The following RTF1 variants were observed in gnomAD, a reference collection of about 807,000 sequenced individuals.
The protein encoded by RTF1 is RNA polymerase-associated protein RTF1 homolog.
RTF1 carries 10 observed loss-of-function variants against 95.7 expected under a neutral mutation model. The ratio of observed to expected loss-of-function variants is 0.10; its 90% CI spans 0.06 to 0.18. The LOEUF (loss-of-function observed/expected upper bound fraction) is 0.18. Among genes scored for constraint, RTF1 ranks in the 10% least tolerant of loss-of-function variants. RTF1 has a pLI of 1.00. For missense variants in RTF1, 458 were observed against 875.6 expected (o/e 0.52, Z 6.02); for synonymous variants, 305 against 311.8 (o/e 0.98, Z 0.23).
intron 3 of RTF1, among the ~76,000 whole-genome samples, chr15:41,455,755 C>G (rs893480319): frequency 6.9e-6 from 1 of 145,498 alleles, no homozygotes; most frequent in African/African-American, 2.6e-5. Flanking sequence ...CGAGATCAGG[C>G]AATAGAGTGA....
At position 41,477,416 on chromosome 15, in the gene RTF1, C is replaced by T. The variant is rs940206410; in HGVS notation, c.1683-42C>T. ...TTCAGGGCTCAGTGGTTCCCTCCCT[C>T]CCTTGTTTCACAGCCACTGACTCAT... On this transcript the variant is annotated intron_variant, in intron 13 of 17. Transcript: ENST00000389629. 3.1e-6 allele frequency: 5 copies of T among 1,613,124 alleles called. No homozygotes were observed. In the African/African-American group the frequency reaches 6.7e-5, roughly 22 times the overall value.
chr15:41,463,441 C>G (rs1262206453), intron 4 of RTF1, among the ~76,000 whole-genome samples: 1 of 152,188 alleles, frequency 6.6e-6, no homozygotes, highest in African/African-American at 2.4e-5. Flanking sequence ...GTACTAGTTT[C>G]TCCACCTCTT....
rs2050989162 is a variant in RTF1 at position 41,483,453 on chromosome 15, AC to A, written c.*2767del. ...CTTCTGGCAGGTGTAGGGAAAGTCT[AC>A]TGCCTGCCACTCCCTTCAAAAAGAA... On this transcript the variant is annotated 3_prime_UTR_variant, in exon 18 of 18. Coordinates refer to ENST00000389629, the MANE Select transcript of RTF1 (RefSeq NM_015138.5). The A allele has an allele frequency of 6.6e-6, 1 of 151,396 alleles. No homozygotes were observed. Among genetic ancestry groups the A allele is most frequent in the South Asian group, 2.1e-4 (1 of 4,758 alleles). 9.4% of individuals were successfully genotyped at this position (151,396 alleles called of 1,614,324 possible).
At chr15:41,442,263 G>T (rs531341703) in intron 2 of RTF1, among the ~76,000 whole-genome samples, 2 of 151,616 alleles carry the variant, frequency 1.3e-5, no homozygotes, top group East Asian at 3.9e-4. Flanking sequence ...TGCCTCCCGG[G>T]TTCACGCCAT....
intron 1 of RTF1, among the ~76,000 whole-genome samples, chr15:41,436,418 C>G (rs184647896): frequency 9.0e-4 from 134 of 149,052 alleles, no homozygotes; most frequent in Non-Finnish European, 1.8e-3. Context: ...GATTGTGCCA[C>G]TGCACTCTAG....
intron 2 of RTF1, among the ~76,000 whole-genome samples, chr15:41,444,501 CCCA>C (rs1364418047): frequency 6.6e-6 from 1 of 151,978 alleles, no homozygotes; most frequent in Admixed American, 6.6e-5. Flanking sequence ...CACCGTGTTA[CCCA>C]GGCTGGTGTT....
At chr15:41,466,417 C>T (rs2050880836) in intron 6 of RTF1, among the ~76,000 whole-genome samples, 165 bp downstream of exon 6, 1 of 152,198 alleles carries the variant, frequency 6.6e-6, no homozygotes. Flanking sequence ...CAGCAGTCAG[C>T]TCTTGGCCAG....
In RTF1 at chr15:41,472,201, A is replaced by T. The variant is rs1447258605; in HGVS notation, c.1203+852A>T. Among the ~76,000 whole-genome samples the T allele has an allele frequency of 3.5e-5, 5 of 141,346 alleles. No individual in the cohort carries two copies. The East Asian group carries it at 8.2e-4, about 23-fold the overall frequency. The allele number at this position is 141,346 out of a possible 152,430, so 92.7% of individuals were successfully genotyped here. On this transcript the variant is annotated intron_variant, in intron 8 of 17. Coordinates refer to ENST00000389629, the MANE Select transcript of RTF1 (RefSeq NM_015138.5). ...CCGCACCTGGCCTATTTTTATTTTT[A>T]TTTATTTGTTGTTTTTTTTTTTCAG...
chr15:41,468,222 A>T (rs2050890314), intron 6 of RTF1, among the ~76,000 whole-genome samples: 1 of 150,306 alleles, frequency 6.7e-6, no homozygotes, highest in Admixed American at 6.6e-5. Context: ...ACTGATGGTC[A>T]TTACCTAGAT....
chr15:41,432,109 T>C (rs542711127), intron 1 of RTF1, among the ~76,000 whole-genome samples: 1 of 150,572 alleles, frequency 6.6e-6, no homozygotes, highest in African/African-American at 2.4e-5. Context: ...ATACTATTGT[T>C]AATATGGTAT....
intron 4 of RTF1, among the ~76,000 whole-genome samples, chr15:41,463,998 C>T (rs1179470387): frequency 2.0e-5 from 3 of 151,268 alleles, no homozygotes; most frequent in Non-Finnish European, 2.9e-5. Context: ...ATTACAGGCA[C>T]ATGCCACCAT....
At chr15:41,459,922 A>C (rs988684292) in intron 4 of RTF1, among the ~76,000 whole-genome samples, 31 of 152,154 alleles carry the variant, frequency 2.0e-4, no homozygotes, top group Non-Finnish European at 3.5e-4. Flanking sequence ...AATAGCCCTC[A>C]GAACAAGGAT....
At position 41,464,933 on chromosome 15, in the gene RTF1, A is replaced by AGTGTGTGTGTGT. The variant is rs67065750; in HGVS notation, c.777+71_777+82dup. The stretch of plus-strand genomic sequence containing the variant: ...TTGTCCAAAGAATAAACCTGTTTTG[A>AGTGTGTGTGTGT]GTGTGTGTGTGTGTGTGTGTGTGTG... On this transcript the variant is annotated intron_variant, in intron 5 of 17. Coordinates refer to ENST00000389629, the MANE Select transcript of RTF1 (RefSeq NM_015138.5). The AGTGTGTGTGTGT allele has an allele frequency of 4.0e-4, 516 of 1,304,646 alleles. 1 individual carries two copies. The highest frequency in any genetic ancestry group is 3.7e-3 in the South Asian group (203 of 55,380). The allele number at this position is 1,304,646 out of a possible 1,614,324, so 80.8% of individuals were successfully genotyped here.
intron 1 of RTF1, among the ~76,000 whole-genome samples, chr15:41,423,189 C>T (rs1457028747): frequency 1.3e-5 from 2 of 152,078 alleles, no homozygotes; most frequent in African/African-American, 4.8e-5. Flanking sequence ...AAAAGTTGTG[C>T]TTCTTGTTAA....
intron 3 of RTF1, among the ~76,000 whole-genome samples, chr15:41,453,742 GAA>G (rs533999350): frequency 7.6e-6 from 1 of 131,088 alleles, no homozygotes; most frequent in African/African-American, 2.8e-5. Flanking sequence ...AAAAAAGTAG[GAA>G]AAAAAAAAAA....
intron 2 of RTF1, among the ~76,000 whole-genome samples, chr15:41,444,015 C>T (rs948814555): frequency 6.6e-6 from 1 of 151,514 alleles, no homozygotes; most frequent in African/African-American, 2.4e-5. Context: ...TTGCAGTGAG[C>T]CGAGATTGCA....
At chr15:41,477,951 C>T (rs1358190576) in intron 14 of RTF1, among the ~76,000 whole-genome samples, 1 of 151,336 alleles carries the variant, frequency 6.6e-6, no homozygotes, top group African/African-American at 2.4e-5. Context: ...CCTAAAAATA[C>T]AAAAATGAGC....
At chr15:41,437,734 C>G (rs1481762110) in intron 1 of RTF1, among the ~76,000 whole-genome samples, 1 of 152,080 alleles carries the variant, frequency 6.6e-6, no homozygotes, top group Non-Finnish European at 1.5e-5. Context: ...ATGACCAGGA[C>G]AAGGCAGAGG....
rs1218641916 is a variant in RTF1, at chr15:41,471,266, C to T, written c.1120C>T (p.His374Tyr). ...ACGGCATAAGCTAGAACGCTGGTGT[C>T]ACATGCCCTTCTTTGCTAAAACTGT... ...LSRHKLERWC[H>Y]MPFFAKTVTG... Residue 374 changes from histidine (H) to tyrosine (Y), a missense_variant, in exon 8 of 18, where the codon CAC (histidine) becomes TAC (tyrosine). His to Tyr is a moderately conservative substitution (Grantham distance 83). Coordinates refer to ENST00000389629, the MANE Select transcript of RTF1 (RefSeq NM_015138.5). 6.2e-7 allele frequency: 1 copy of T among 1,614,082 alleles called. No individual in the cohort carries two copies. The highest frequency in any genetic ancestry group is 1.1e-5 in the South Asian group (1 of 91,048).
Sources: allele counts gnomAD v4.1 joint callset (sites outside exome capture counted in the v4.1 genomes callset), GRCh38; gene constraint gnomAD v4.1.1; transcripts MANE v1.5; gene names NCBI Gene and HGNC (gene_info 2026-07-23, HGNC 2026-07-21).